TBC1D2B: variants seen among roughly 807,000 people sequenced by gnomAD.
The protein encoded by TBC1D2B is TBC1 domain family member 2B.
In TBC1D2B, 64 loss-of-function variants were observed where a neutral mutation model predicts 100.8. The observed-to-expected ratio is 0.64, with a 90% confidence interval of 0.52 to 0.78. The LOEUF is 0.78. Ranked by LOEUF, TBC1D2B falls within the 30% of genes least tolerant of loss-of-function variation. TBC1D2B has a pLI of 0.00. For synonymous variants in TBC1D2B, 480 were observed against 479.7 expected, an observed-to-expected ratio of 1.00 and a Z score of -0.01; for missense variants, 1,052 against 1,218.4, an observed-to-expected ratio of 0.86 and a Z score of 2.03.
intron 8 of TBC1D2B, 95 bp from the exon 9 acceptor site, chr15:78,013,412 C>T: frequency 1.7e-6 from 2 of 1,168,004 alleles, no homozygotes; most frequent in Non-Finnish European, 2.4e-6. Flanking sequence ...CCAAATCAGG[C>T]ACACGTGGTA....
At position 78,020,509 on chromosome 15, in the gene TBC1D2B, C is replaced by T. The variant is rs544206709; in HGVS notation, c.1471-2552G>A. Among the ~76,000 whole-genome samples the T allele has an allele frequency of 1.3e-4, 20 of 152,244 alleles. No individual in the cohort carries two copies. The South Asian group carries it at 3.9e-3, about 30-fold the overall frequency. On this transcript the variant is annotated intron_variant, in intron 6 of 12. Transcript: ENST00000300584. ...TGAGGGAGGGCTTTACATGGATTAC[C>T]GCCTGTAACCCTCACAATACCTATG...
intron 8 of TBC1D2B, among the ~76,000 whole-genome samples, chr15:78,015,389 A>G (rs1596310526): frequency 6.6e-6 from 1 of 152,242 alleles, no homozygotes; most frequent in African/African-American, 2.4e-5. Flanking sequence ...ATTTTCCATA[A>G]GAAAAAGTTG....
chr15:78,016,605 A>G lies in TBC1D2B; in HGVS notation c.1716T>C (p.Ala572=), dbSNP rs759625294. 3 of 1,612,894 alleles carry G rather than the reference A, an allele frequency of 1.9e-6. No individual in the cohort carries two copies. The highest frequency in any genetic ancestry group is 1.1e-5 in the South Asian group (1 of 90,774). Residue 572 remains alanine (A), a synonymous_variant, in exon 8 of 13, where the codon GCT becomes GCC. Coordinates refer to ENST00000300584, the MANE Select transcript of TBC1D2B (RefSeq NM_144572.2). ...REVIAQLLED[A]LQVESQEQPE... ...GCTGCTCTTGGCTCTCAACCTGCAG[A>G]GCATCCTCCAGCAACTGGGCTATGA...
At chr15:77,999,529 G>C in intron 12 of TBC1D2B, 1 of 230,472 alleles carries the variant, frequency 4.3e-6, no homozygotes, top group South Asian at 4.6e-5. Context: ...GTCCCCGCGT[G>C]TGGATTTCTC....
intron 1 of TBC1D2B, among the ~76,000 whole-genome samples, chr15:78,067,163 G>A (rs1284868263): frequency 1.3e-5 from 2 of 152,210 alleles, no homozygotes; most frequent in Admixed American, 1.3e-4. Context: ...AGGTTTCAGT[G>A]GTAGGGTAGC....
At chr15:78,028,385 T>C (rs2072725210) in intron 4 of TBC1D2B, among the ~76,000 whole-genome samples, 1 of 152,146 alleles carries the variant, frequency 6.6e-6, no homozygotes, top group Non-Finnish European at 1.5e-5. Flanking sequence ...TGAGGCAGAA[T>C]CGCTTAACCC....
chr15:78,073,944 G>A (rs1246785595), intron 1 of TBC1D2B, among the ~76,000 whole-genome samples: 1 of 151,440 alleles, frequency 6.6e-6, no homozygotes, highest in Non-Finnish European at 1.5e-5. Flanking sequence ...ACTCCAGCCT[G>A]GGCGACACAG....
intron 1 of TBC1D2B, among the ~76,000 whole-genome samples, chr15:78,072,799 C>G (rs2073761264): frequency 6.6e-6 from 1 of 152,144 alleles, no homozygotes; most frequent in Admixed American, 6.5e-5. Flanking sequence ...GCCTCAGATT[C>G]CAGTAAAGCT....
At chr15:78,046,001 G>A (rs934389125) in intron 2 of TBC1D2B, among the ~76,000 whole-genome samples, 1 of 151,830 alleles carries the variant, frequency 6.6e-6, no homozygotes, top group Non-Finnish European at 1.5e-5. Context: ...GCGCGGTCTC[G>A]GCTCACTGCA....
chr15:78,003,286 C>G lies in TBC1D2B; in HGVS notation c.2574+19G>C. On this transcript the variant is annotated intron_variant, in intron 11 of 12. Transcript: ENST00000300584. ...GTCAAGTGTGTATATCTGAAAATAG[C>G]TGAGCTGAGCTAACTCACCTTTGGT... 1.2e-6 allele frequency: 2 copies of G among 1,608,980 alleles called. No homozygotes were observed. Among genetic ancestry groups the G allele is most frequent in the Middle Eastern group, 1.7e-4 (1 of 6,048 alleles).
intron 6 of TBC1D2B, among the ~76,000 whole-genome samples, chr15:78,022,210 T>G (rs2072533753): frequency 6.6e-6 from 1 of 152,022 alleles, no homozygotes; most frequent in African/African-American, 2.4e-5. Flanking sequence ...AATATAAAAA[T>G]GAGCTGGGTG....
intron 9 of TBC1D2B, among the ~76,000 whole-genome samples, chr15:78,009,507 T>C (rs1421980871): frequency 6.6e-6 from 1 of 151,320 alleles, no homozygotes; most frequent in African/African-American, 2.4e-5. Context: ...ACTACTGCAC[T>C]CCAGCCTGTG....
In TBC1D2B at chr15:78,054,152, C is replaced by G; in HGVS notation, c.396G>C (p.Gln132His). Reference sequence around the variant, plus strand: ...ATTCCCATCTCTTCTGCTGAAGCTCCTGTAACCAGTAAGTCATGAGTTGAC... The same window carrying G: ...ATTCCCATCTCTTCTGCTGAAGCTCGTGTAACCAGTAAGTCATGAGTTGAC... ...PNRQLMTYWL[Q>H]ELQQKRWEYC... The change falls in exon 2 of 13, where the codon CAG (glutamine) becomes CAC (histidine). Residue 132 changes from glutamine (Q) to histidine (H), a missense_variant. Gln to His is a conservative substitution (Grantham distance 24). Coordinates refer to ENST00000300584, the MANE Select transcript of TBC1D2B (RefSeq NM_144572.2). The G allele has an allele frequency of 6.2e-7, 1 of 1,613,706 alleles. No individual in the cohort carries two copies. Among genetic ancestry groups the G allele is most frequent in the Non-Finnish European group, 8.5e-7 (1 of 1,179,784 alleles).
At chr15:78,010,111 A>G (rs532577138) in intron 9 of TBC1D2B, among the ~76,000 whole-genome samples, 1 of 152,224 alleles carries the variant, frequency 6.6e-6, no homozygotes, top group Non-Finnish European at 1.5e-5. Context: ...GGTTTAAAAC[A>G]GCTTTCCCAA....
intron 9 of TBC1D2B, among the ~76,000 whole-genome samples, chr15:78,009,974 CAAA>C (rs59641885): frequency 1.7e-4 from 16 of 95,904 alleles, no homozygotes; most frequent in South Asian, 3.4e-4. Context: ...GACTCCGTCT[CAAA>C]AAAAAAAAAA....
intron 1 of TBC1D2B, among the ~76,000 whole-genome samples, chr15:78,070,505 C>A (rs2073727238): frequency 6.6e-6 from 1 of 152,222 alleles, no homozygotes; most frequent in African/African-American, 2.4e-5. Flanking sequence ...CAGTCATATC[C>A]CCAGTGCCTA....
chr15:78,003,269 T>G, intron 11 of TBC1D2B, 36 bp downstream of exon 11: 1 of 1,593,156 alleles, frequency 6.3e-7, no homozygotes, highest in Non-Finnish European at 8.6e-7. Flanking sequence ...TTGTCAAGTG[T>G]GTATATCTGA....
At chr15:78,075,585 G>A (rs1445021688) in intron 1 of TBC1D2B, among the ~76,000 whole-genome samples, 2 of 152,154 alleles carry the variant, frequency 1.3e-5, no homozygotes, top group African/African-American at 2.4e-5. Context: ...CAGGAAATTC[G>A]TCCGACACAG....
chr15:78,061,744 T>C (rs891403944), intron 1 of TBC1D2B, among the ~76,000 whole-genome samples: 3 of 150,916 alleles, frequency 2.0e-5, no homozygotes. Context: ...TAAAAACCAT[T>C]AAATGAATGA....
Sources: gnomAD v4.1 joint callset for allele counts (sites outside exome capture counted in the v4.1 genomes callset) on GRCh38, gnomAD v4.1.1 for gene constraint, MANE v1.5 for transcripts, NCBI Gene and HGNC (gene_info 2026-07-23, HGNC 2026-07-21) for gene names.